The following MEGF6 variants were observed in gnomAD, a reference collection of about 807,000 sequenced individuals.
MEGF6 encodes the protein multiple epidermal growth factor-like domains protein 6.
A neutral mutation model predicts 207.1 loss-of-function variants in MEGF6; 184 were observed. The observed-to-expected ratio is 0.89, with a 90% CI of 0.79 to 1.00. The LOEUF is 1.00. MEGF6 is among the 50% of genes least tolerant of loss of function. MEGF6 has a pLI of 0.00. For missense variants in MEGF6, 2,282 were observed against 2,202.9 expected (o/e 1.04, Z -0.72); for synonymous variants, 1,038 against 910.0 (o/e 1.14, Z -2.53).
intron 1 of MEGF6, among the ~76,000 whole-genome samples, chr1:3,603,141 C>A (rs1329707126): frequency 6.6e-6 from 1 of 152,208 alleles, no homozygotes; most frequent in Admixed American, 6.5e-5. Flanking sequence ...GAGGTGAAAA[C>A]CCCAGCCCCA....
At chr1:3,517,746 TGAGTGTGCCCATCAGACG>T (rs1641600968) in intron 5 of MEGF6, among the ~76,000 whole-genome samples, 1 of 152,210 alleles carries the variant, frequency 6.6e-6, no homozygotes, top group African/African-American at 2.4e-5. Flanking sequence ...CCGGCAAAGC[TGAGTGTGCCCATCAGACG>T]TGGACTGGGG....
rs552143118 is a variant in MEGF6, at chr1:3,494,310, C to A, written c.4129+61G>T. ...TTCACTGCTGCCTGGATCACCCACA[C>A]GGGAGGAGTGGACAGTGGCTCAAAG... On this transcript the variant is annotated intron_variant, in intron 32 of 36. Coordinates refer to ENST00000356575, the MANE Select transcript of MEGF6 (RefSeq NM_001409.4). The A allele has an allele frequency of 6.6e-6, 10 of 1,504,210 alleles. No homozygotes were observed. In the Admixed American group the frequency reaches 1.9e-4, roughly 28 times the overall value. 93.2% of individuals were successfully genotyped at this position (1,504,210 alleles called of 1,614,324 possible). A position where few individuals can be genotyped will look rare whatever the true frequency, so the allele number is the denominator to read the frequency against.
chr1:3,572,361 C>CT (rs1333701612), intron 4 of MEGF6, among the ~76,000 whole-genome samples: 2 of 110,908 alleles, frequency 1.8e-5, no homozygotes, highest in East Asian at 2.8e-4. Context: ...GTGCTGGGTC[C>CT]TCCTGGGTGT....
the MEGF6 span, among the ~76,000 whole-genome samples, chr1:3,616,988 T>TG: frequency 5.3e-5 from 8 of 152,210 alleles, no homozygotes; most frequent in East Asian, 1.5e-3. Flanking sequence ...GCACAGCTAT[T>TG]GTTCTGAGGA....
rs1160655986 is a variant in MEGF6, at chr1:3,611,340, C to T, written c.-72G>A. On this transcript the variant is annotated 5_prime_UTR_variant, in exon 1 of 37. Coordinates refer to ENST00000356575, the MANE Select transcript of MEGF6 (RefSeq NM_001409.4). Reference sequence around the variant, plus strand: ...GGCGGCTCCCCGGAGCCTCCGCCTCCACGTGCGCCATAGGACGCAGCCACA... The same window carrying T: ...GGCGGCTCCCCGGAGCCTCCGCCTCTACGTGCGCCATAGGACGCAGCCACA... The T allele has an allele frequency of 3.6e-6, 5 of 1,379,422 alleles. No homozygotes were observed. In the African/African-American group the frequency reaches 7.6e-5, roughly 21 times the overall value. 85.4% of individuals were successfully genotyped at this position (1,379,422 alleles called of 1,614,324 possible).
chr1:3,539,930 G>A (rs529286762), intron 4 of MEGF6, among the ~76,000 whole-genome samples: 9 of 152,268 alleles, frequency 5.9e-5, no homozygotes, highest in East Asian at 5.8e-4. Context: ...CGAGAGTTAC[G>A]CAGGCCCCCG....
At chr1:3,591,073 G>A (rs1414698884) in intron 3 of MEGF6, among the ~76,000 whole-genome samples, 3 of 152,192 alleles carry the variant, frequency 2.0e-5, no homozygotes, top group African/African-American at 7.2e-5. Flanking sequence ...CCTCCCAGGG[G>A]CTGAGGGGCT....
rs1289536744 is a variant in MEGF6 at position 3,588,608 on chromosome 1, C to A, written c.376+6730G>T. 2.0e-5 allele frequency among the ~76,000 whole-genome samples: 3 copies of A among 151,914 alleles called. No individual in the cohort carries two copies. In the East Asian group the frequency reaches 5.8e-4, roughly 29 times the overall value. ...GAAGCTCTGGGTAGTCGCACTGAAG[C>A]GTCCTCCCTGGGCCGTGGGTGCCTG... On this transcript the variant is annotated intron_variant, in intron 3 of 36. Coordinates refer to ENST00000356575, the MANE Select transcript of MEGF6 (RefSeq NM_001409.4).
At position 3,498,479 on chromosome 1, in the gene MEGF6, T is replaced by A. The variant is rs1278668518; in HGVS notation, c.3244A>T (p.Arg1082Ter). 3 of 1,581,306 alleles carry A rather than the reference T, an allele frequency of 1.9e-6. No individual in the cohort carries two copies. The highest frequency in any genetic ancestry group is 2.6e-6 in the Non-Finnish European group (3 of 1,165,762). ...CCGCCGCTGTGCCGGCAGCCAGCTCTGACGTCCCGGGGGAGGCACTCTACA... is the reference window on the plus strand; with the variant it reads ...CCGCCGCTGTGCCGGCAGCCAGCTCAGACGTCCCGGGGGAGGCACTCTACA... ...CEKECLPRDV[R>*]AGCRHSGGCL... The change falls in exon 26 of 37, where the codon AGA becomes TGA. Residue 1082 changes from arginine (R) to a stop codon, truncating the protein, a stop_gained. Coordinates refer to ENST00000356575, the MANE Select transcript of MEGF6 (RefSeq NM_001409.4). LOFTEE classifies it high-confidence loss of function.
chr1:3,577,962 C>A (rs547264741), intron 4 of MEGF6, among the ~76,000 whole-genome samples: 139 of 152,326 alleles, frequency 9.1e-4, no homozygotes, highest in African/African-American at 2.9e-3. Flanking sequence ...CCTGTGCCTG[C>A]CGATGCCCCG....
At chr1:3,511,854 T>TC in intron 8 of MEGF6, 152 bp downstream of exon 8, 1 of 1,434,846 alleles carries the variant, frequency 7.0e-7, no homozygotes, top group South Asian at 1.3e-5. Flanking sequence ...CCCCCTGCTC[T>TC]CCCTCGACCC....
chr1:3,599,032 AC>A (rs1452311531), intron 2 of MEGF6, among the ~76,000 whole-genome samples: 1 of 152,026 alleles, frequency 6.6e-6, no homozygotes, highest in Non-Finnish European at 1.5e-5. Context: ...GGGCTGGAGC[AC>A]CCATCACCCC....
At chr1:3,592,138 A>G (rs1643989301) in intron 3 of MEGF6, among the ~76,000 whole-genome samples, 1 of 152,124 alleles carries the variant, frequency 6.6e-6, no homozygotes, top group South Asian at 2.1e-4. Flanking sequence ...ACAACCTCAC[A>G]CAGTGGCCCC....
chr1:3,573,370 T>C lies in MEGF6; in HGVS notation c.481+6455A>G, dbSNP rs1359044428. On this transcript the variant is annotated intron_variant, in intron 4 of 36. Transcript: ENST00000356575. This position sits in a 1 kb window ranked among gnomAD's most constrained non-coding sequence, Gnocchi z 5.1. ...AGGGTGGCCTCCTGGCTGAGCCAGC[T>C]CCAGGCCCAGATGGAAACCTTCTGC... Among the ~76,000 whole-genome samples, 1 of 152,170 alleles carries C rather than the reference T, an allele frequency of 6.6e-6. No individual in the cohort carries two copies. Among genetic ancestry groups the C allele is most frequent in the Admixed American group, 6.5e-5 (1 of 15,278 alleles).
chr1:3,509,877 GC>G lies in MEGF6; in HGVS notation c.1349del (p.Gly450AlafsTer73), dbSNP rs1341467108. On this transcript the variant is annotated frameshift_variant, in exon 11 of 37. Transcript: ENST00000356575. LOFTEE classifies it high-confidence loss of function. ...GGAGGGCGGGAGACTCACGGCTGCA[GC>G]CCCTACGGTCCTCGTGCAGCCGGTA... ...AGYRLHEDRR[G>X]CSPLEEPMVD... 1.9e-6 allele frequency: 3 copies of G among 1,557,674 alleles called. No homozygotes were observed. Among genetic ancestry groups the G allele is most frequent in the Non-Finnish European group, 1.7e-6 (2 of 1,153,254 alleles).
Position 3,499,630 on chromosome 1 carries a change from A to G in MEGF6, c.2923T>C (p.Cys975Arg), listed in dbSNP as rs1308215930. ...CCCCGGCGGCCAGCGGGGCAGAGGC[A>G]GGAGCCATTCACGGCATCACAGGCA... The part of the protein sequence containing the change: ...GAACDAVNGS[C>R]LCPAGRRGPR... The change falls in exon 23 of 37, where the codon TGC (cysteine) becomes CGC (arginine). Residue 975 changes from cysteine to arginine, a missense_variant. Cys to Arg is a radical substitution (Grantham distance 180). Coordinates refer to ENST00000356575, the MANE Select transcript of MEGF6 (RefSeq NM_001409.4). 4 of 1,591,510 alleles carry G rather than the reference A, an allele frequency of 2.5e-6. No homozygotes were observed. In the African/African-American group the frequency reaches 4.0e-5, roughly 16 times the overall value.
At position 3,590,938 on chromosome 1, in the gene MEGF6, C is replaced by T. The variant is rs76405910; in HGVS notation, c.376+4400G>A. Among the ~76,000 whole-genome samples, 1,367 of 147,582 alleles carry T rather than the reference C, an allele frequency of 9.3e-3. 32 individuals are homozygous for T. The East Asian group carries it at 0.13, about 14-fold the overall frequency. ...ATCATCCTCCAGCTCACAGGGACAG[C>T]GGTGCCCTGGTCTAGGAAGCAGGGA... is the stretch of plus-strand genomic sequence containing the variant. On this transcript the variant is annotated intron_variant, in intron 3 of 36. Coordinates refer to ENST00000356575, the MANE Select transcript of MEGF6 (RefSeq NM_001409.4).
At chr1:3,562,084 G>C (rs955006045) in intron 4 of MEGF6, among the ~76,000 whole-genome samples, 3 of 152,178 alleles carry the variant, frequency 2.0e-5, no homozygotes, top group Admixed American at 2.0e-4. Flanking sequence ...GTAGGGGGCT[G>C]GTGTGGGCGA....
chr1:3,522,312 T>C (rs2101171109), intron 5 of MEGF6, among the ~76,000 whole-genome samples: 1 of 152,150 alleles, frequency 6.6e-6, no homozygotes, highest in Middle Eastern at 3.4e-3. Context: ...GCACCAGCCC[T>C]GGAGAAGGCT....
Sources: gnomAD v4.1 joint callset for allele counts (sites outside exome capture counted in the v4.1 genomes callset) on GRCh38, gnomAD v4.1.1 for gene constraint, Gnocchi (gnomAD v3.1) non-coding constraint, MANE v1.5 for transcripts, NCBI Gene and HGNC (gene_info 2026-07-23, HGNC 2026-07-21) for gene names.